Variants in MED15 observed in about 807,000 individuals in gnomAD.
MED15 encodes mediator of RNA polymerase II transcription subunit 15.
In MED15, 41 loss-of-function variants were observed where a neutral mutation model predicts 118.7. That is an observed-to-expected ratio of 0.35 (90% confidence interval 0.27 to 0.45). The LOEUF (loss-of-function observed/expected upper bound fraction) is 0.45. MED15 is among the 20% of genes least tolerant of loss of function. The pLI is 1.00. For missense variants in MED15, 740 were observed against 1,025.5 expected (o/e 0.72, Z 3.80); for synonymous variants, 436 against 413.9 (o/e 1.05, Z -0.65).
At chr22:20,584,655 G>C in intron 14 of MED15, 200 bp from the exon 15 acceptor site, 2 of 843,130 alleles carry the variant, frequency 2.4e-6, no homozygotes, top group South Asian at 3.4e-5. Context: ...TTTCAGAGGA[G>C]GCAGGGACTG....
chr22:20,513,281 TC>T (rs2054139608), intron 1 of MED15, among the ~76,000 whole-genome samples: 1 of 83,876 alleles, frequency 1.2e-5, no homozygotes, highest in Non-Finnish European at 2.6e-5. Context: ...TCTTTTTCTT[TC>T]TTTTTTTTTT....
intron 2 of MED15, among the ~76,000 whole-genome samples, chr22:20,538,524 A>G (rs769772079): frequency 6.6e-6 from 1 of 152,164 alleles, no homozygotes; most frequent in Non-Finnish European, 1.5e-5. Context: ...TGCTGGGATT[A>G]CAAGTGTGAG....
intron 1 of MED15, chr22:20,522,155 C>T (rs1223398019): frequency 1.3e-5 from 2 of 152,230 alleles, no homozygotes; most frequent in Admixed American, 1.3e-4. Flanking sequence ...CCAGGAATGG[C>T]TTTGGTCATG....
chr22:20,553,355 C>T (rs2055865442), intron 4 of MED15, among the ~76,000 whole-genome samples, 181 bp downstream of exon 4: 1 of 151,814 alleles, frequency 6.6e-6, no homozygotes, highest in Admixed American at 6.5e-5. Flanking sequence ...CCTTCGTCTT[C>T]CTGCAGACTG....
intron 2 of MED15, among the ~76,000 whole-genome samples, chr22:20,543,017 T>A (rs1051399824): frequency 1.3e-5 from 2 of 152,068 alleles, no homozygotes; most frequent in Non-Finnish European, 2.9e-5. Flanking sequence ...AGCATTTTGG[T>A]TTTTTCCAAT....
chr22:20,585,921 T>C (rs165615), intron 17 of MED15, 95 bp downstream of exon 17: 492,692 of 1,156,500 alleles, frequency 0.43, 107,662 homozygotes, highest in African/African-American at 0.5. Context: ...AGCCTCTGTG[T>C]GCTCCTGCCC....
rs2057085848 is a variant in MED15, at chr22:20,584,794, G to C, written c.1804-61G>C. 3.0e-5 allele frequency: 47 copies of C among 1,589,594 alleles called. No homozygotes were observed. The South Asian group carries it at 4.7e-4, about 16-fold the overall frequency. On this transcript the variant is annotated intron_variant, in intron 14 of 17. Coordinates refer to ENST00000263205, the MANE Select transcript of MED15 (RefSeq NM_001003891.3). ...AGTGACCATGGGCCTGGGGTGTGAA[G>C]GCCCCCTAAATGGGGAACCCTCGGG...
At chr22:20,585,475 C>T in intron 16 of MED15, 1 of 741,952 alleles carries the variant, frequency 1.3e-6, no homozygotes, top group Non-Finnish European at 2.2e-6. Flanking sequence ...CACACTCTCA[C>T]CTCCCCAACA....
At chr22:20,549,136 T>C (rs1252154716) in intron 2 of MED15, among the ~76,000 whole-genome samples, 1 of 152,186 alleles carries the variant, frequency 6.6e-6, no homozygotes, top group Non-Finnish European at 1.5e-5. Flanking sequence ...TTTTCTTATC[T>C]GTAAACTGGA....
rs1601659330 is a variant in MED15 at position 20,586,781 on chromosome 22, G to A, written c.*77G>A. 7 of 1,573,092 alleles carry A rather than the reference G, an allele frequency of 4.4e-6. No homozygotes were observed. In the East Asian group the frequency reaches 1.1e-4, roughly 25 times the overall value. On this transcript the variant is annotated 3_prime_UTR_variant, in exon 18 of 18. Coordinates refer to ENST00000263205, the MANE Select transcript of MED15 (RefSeq NM_001003891.3). ...TCCTGTCAGACACTTCTAGGTGTTG[G>A]CTTCCTTAGAGAGCCTGGGGTTAGG...
intron 1 of MED15, among the ~76,000 whole-genome samples, chr22:20,528,978 T>C (rs1391297947): frequency 6.6e-6 from 1 of 152,160 alleles, no homozygotes; most frequent in African/African-American, 2.4e-5. Context: ...GAGCACTTGG[T>C]GCAGCCTGGC....
intron 5 of MED15, among the ~76,000 whole-genome samples, chr22:20,555,410 A>G (rs914019241): frequency 5.9e-5 from 9 of 152,070 alleles, no homozygotes; most frequent in Admixed American, 2.0e-4. Flanking sequence ...ACTCCATCCA[A>G]AGGTTTGTGT....
At chr22:20,569,436 G>T (rs1385025642) in intron 8 of MED15, among the ~76,000 whole-genome samples, 1 of 152,166 alleles carries the variant, frequency 6.6e-6, no homozygotes, top group Admixed American at 6.5e-5. Flanking sequence ...CTGTGGCTGG[G>T]TCCCAGCCCA....
In MED15 at chr22:20,507,661, G is replaced by C. The variant is rs758663768; in HGVS notation, c.-18G>C. On this transcript the variant is annotated 5_prime_UTR_variant, in exon 1 of 18. Coordinates refer to ENST00000263205, the MANE Select transcript of MED15 (RefSeq NM_001003891.3). Reference sequence around the variant, plus strand: ...GGCGGCCAAGCGGGATACGGGCGGCGGGAGCTGGGGAACAGGCATGGACGT... The same window carrying C: ...GGCGGCCAAGCGGGATACGGGCGGCCGGAGCTGGGGAACAGGCATGGACGT... 6.2e-7 allele frequency: 1 copy of C among 1,613,898 alleles called. No individual in the cohort carries two copies. The highest frequency in any genetic ancestry group is 8.5e-7 in the Non-Finnish European group (1 of 1,179,846).
At chr22:20,539,511 T>A (rs920476150) in intron 2 of MED15, among the ~76,000 whole-genome samples, 16 of 152,364 alleles carry the variant, frequency 1.1e-4, no homozygotes, top group African/African-American at 3.8e-4. Context: ...TAGTTTCTAC[T>A]TTTTGGTTAT....
chr22:20,513,566 T>G (rs1443243668), intron 1 of MED15, among the ~76,000 whole-genome samples: 5 of 152,118 alleles, frequency 3.3e-5, no homozygotes, highest in Non-Finnish European at 7.4e-5. Context: ...CGTGAGCCAC[T>G]GCACCTGGCC....
At chr22:20,544,055 T>A (rs1293790352) in intron 2 of MED15, among the ~76,000 whole-genome samples, 1 of 152,246 alleles carries the variant, frequency 6.6e-6, no homozygotes, top group Admixed American at 6.5e-5. Context: ...TCACCTTTAA[T>A]TTTCATGTTT....
chr22:20,512,042 G>A (rs2054088897), intron 1 of MED15, among the ~76,000 whole-genome samples: 1 of 138,236 alleles, frequency 7.2e-6, no homozygotes, highest in Admixed American at 7.5e-5. Context: ...AGGTTAGAGT[G>A]CAGTGGTACG....
rs773055536 is a variant in MED15, at chr22:20,582,712, C to T, written c.1374C>T (p.Pro458=). 19 of 1,596,102 alleles carry T rather than the reference C, an allele frequency of 1.2e-5. No homozygotes were observed. Among genetic ancestry groups the T allele is most frequent in the East Asian group, 1.1e-4 (5 of 44,792 alleles). ...CTCCCCCCCAGCCGTCCCCGCAGCC[C>T]GGCCAGCCCAGCTCACAGCCCAACT... ...MPPPPQPSPQ[P]GQPSSQPNSN... Residue 458 remains proline (P), a synonymous_variant, in exon 10 of 18, where the codon CCC becomes CCT. Transcript: ENST00000263205.
Sources: gnomAD v4.1 joint callset for allele counts (sites outside exome capture counted in the v4.1 genomes callset) on GRCh38, gnomAD v4.1.1 for gene constraint, MANE v1.5 for transcripts, NCBI Gene and HGNC (gene_info 2026-07-23, HGNC 2026-07-21) for gene names.